SYTL3: variants seen among roughly 807,000 people sequenced by gnomAD.
SYTL3 encodes synaptotagmin like 3, also known as synaptotagmin-like protein 3.
A neutral mutation model predicts 82.1 loss-of-function variants in SYTL3; 88 were observed. The observed-to-expected ratio is 1.07, with a 90% CI of 0.90 to 1.28. SYTL3 has a LOEUF of 1.28. SYTL3 is among the 50% of genes most tolerant of loss of function. The probability of loss-of-function intolerance (pLI) is 0.00; values close to 1 mark genes in which losing one functional copy is unlikely to be tolerated. For synonymous variants in SYTL3, 311 were observed against 289.4 expected (o/e 1.07, Z -0.76); for missense variants, 831 against 757.6 (o/e 1.10, Z -1.14).
chr6:158,670,099 T>C (rs1027741892), intron 5 of SYTL3, among the ~76,000 whole-genome samples: 1 of 152,272 alleles, frequency 6.6e-6, no homozygotes, highest in Admixed American at 6.5e-5. Context: ...AAGGAAGTTC[T>C]ATTCTAATTA....
intron 6 of SYTL3, among the ~76,000 whole-genome samples, chr6:158,702,969 A>G (rs1366535246): frequency 1.3e-5 from 2 of 151,918 alleles, no homozygotes; most frequent in Non-Finnish European, 2.9e-5. Context: ...CCTGGCTAAT[A>G]CGGTGAAACC....
In SYTL3 at chr6:158,732,718, G is replaced by A. The variant is rs116274506; in HGVS notation, c.855+7081G>A. On this transcript the variant is annotated intron_variant, in intron 11 of 17. Coordinates refer to ENST00000611299, the MANE Select transcript of SYTL3 (RefSeq NM_001242394.2). ...TAAAGACTTAATAGGATGCAGTAACGTCAGGCACTTCCAAGAGCTAACCCA... is the reference window on the plus strand; with the variant it reads ...TAAAGACTTAATAGGATGCAGTAACATCAGGCACTTCCAAGAGCTAACCCA... Among the ~76,000 whole-genome samples, 185 of 152,276 alleles carry A rather than the reference G, an allele frequency of 1.2e-3. 1 individual carries two copies. The highest frequency in any genetic ancestry group is 4.0e-3 in the African/African-American group (168 of 41,562).
intron 5 of SYTL3, among the ~76,000 whole-genome samples, chr6:158,666,789 C>G (rs1790113165): frequency 6.6e-6 from 1 of 152,194 alleles, no homozygotes; most frequent in Non-Finnish European, 1.5e-5. Flanking sequence ...TGTCCTGTCC[C>G]TTTGCAAGGC....
rs757822377 is a variant in SYTL3, at chr6:158,763,460, C to T, written c.1674C>T (p.Ala558=). 2.5e-6 allele frequency: 4 copies of T among 1,614,018 alleles called. No individual in the cohort carries two copies. The African/African-American group carries it at 5.3e-5, about 22-fold the overall frequency. The change falls in exon 17 of 18, where the codon GCC becomes GCT. Residue 558 remains alanine, a synonymous_variant. Transcript: ENST00000611299. ...TGGAGTTAACTGTCTGGGATCAGGC[C>T]CTCTTTGGAATGAACGACCGCTTGC... The part of the protein sequence containing the change: ...SSLELTVWDQ[A]LFGMNDRLLG...
chr6:158,674,557 G>T (rs540803007), intron 5 of SYTL3, among the ~76,000 whole-genome samples: 7 of 152,356 alleles, frequency 4.6e-5, no homozygotes, highest in African/African-American at 1.7e-4. Context: ...CCCACAGAGA[G>T]CGTGTGCTCC....
chr6:158,663,293 G>A lies in SYTL3; in HGVS notation c.25G>A (p.Ala9Thr). Residue 9 changes from alanine to threonine, a missense_variant, in exon 4 of 18, where the codon GCT becomes ACT. Physicochemically the swap from Ala to Thr is moderately conservative, Grantham distance 58. Transcript: ENST00000611299. Reference protein sequence around the residue: MAQEIDLSALKELEREAIL... With the variant: MAQEIDLSTLKELEREAIL... ...AATGGCCCAAGAAATAGATCTGAGT[G>A]CTCTCAAGGAGTTAGAACGCGAGGC... The A allele has an allele frequency of 6.2e-7, 1 of 1,614,152 alleles. No individual in the cohort carries two copies. The highest frequency in any genetic ancestry group is 8.5e-7 in the Non-Finnish European group (1 of 1,180,024).
chr6:158,658,248 TA>T (rs1409598597), intron 2 of SYTL3, among the ~76,000 whole-genome samples: 2 of 152,264 alleles, frequency 1.3e-5, no homozygotes, highest in Non-Finnish European at 2.9e-5. Context: ...AATATACTTT[TA>T]AATATGAGTT....
At chr6:158,708,475 CG>C in intron 8 of SYTL3, 84 bp downstream of exon 8, 1 of 1,353,900 alleles carries the variant, frequency 7.4e-7, no homozygotes. Context: ...AGGCTGAGGC[CG>C]GGCACGGAAC....
chr6:158,745,043 A>G (rs1300676212), intron 11 of SYTL3, among the ~76,000 whole-genome samples: 2 of 152,112 alleles, frequency 1.3e-5, no homozygotes, highest in Non-Finnish European at 2.9e-5. Context: ...ACAGCTAATG[A>G]GTGGCAGCAC....
chr6:158,749,505 CTCT>C (rs1214972102), intron 12 of SYTL3, among the ~76,000 whole-genome samples: 3 of 94,336 alleles, frequency 3.2e-5, no homozygotes, highest in Non-Finnish European at 6.7e-5. Context: ...TTTTCTTTCT[CTCT>C]TTTTTTTTTT....
intron 6 of SYTL3, among the ~76,000 whole-genome samples, chr6:158,696,126 C>T (rs1280383271): frequency 6.6e-6 from 1 of 152,152 alleles, no homozygotes; most frequent in Non-Finnish European, 1.5e-5. Flanking sequence ...CATCTGCTGC[C>T]CTATTTTATT....
chr6:158,658,284 T>A (rs372098446), intron 2 of SYTL3, among the ~76,000 whole-genome samples: 1 of 152,252 alleles, frequency 6.6e-6, no homozygotes, highest in Non-Finnish European at 1.5e-5. Flanking sequence ...ATTAAAATTT[T>A]TTTTTGCCTA....
chr6:158,669,174 A>G (rs1777083187), intron 5 of SYTL3, among the ~76,000 whole-genome samples: 1 of 152,354 alleles, frequency 6.6e-6, no homozygotes, highest in Admixed American at 6.5e-5. Context: ...TTTTAGCTTC[A>G]TCAAAAAAAT....
chr6:158,683,600 A>C (rs1175503026), intron 6 of SYTL3, among the ~76,000 whole-genome samples: 1 of 152,186 alleles, frequency 6.6e-6, no homozygotes, highest in Non-Finnish European at 1.5e-5. Context: ...CCCTCCTCTG[A>C]AACACCATCA....
intron 6 of SYTL3, among the ~76,000 whole-genome samples, chr6:158,693,030 G>A (rs548684754): frequency 1.1e-4 from 16 of 151,964 alleles, no homozygotes; most frequent in South Asian, 2.1e-4. Context: ...TCTCCTCTCC[G>A]TTGGTTTGCT....
chr6:158,725,605 C>T lies in SYTL3; in HGVS notation c.823C>T (p.Pro275Ser). 1 of 1,614,230 alleles carries T rather than the reference C, an allele frequency of 6.2e-7. No homozygotes were observed. The highest frequency in any genetic ancestry group is 8.5e-7 in the Non-Finnish European group (1 of 1,180,044). ...KQQNLPSSPA[P>S]STIFSGGFRH... Reference sequence around the variant, plus strand: ...ACAGAATCTCCCATCCAGTCCGGCACCCAGTACCATATTCTCTGGAGGTTT... The same window carrying T: ...ACAGAATCTCCCATCCAGTCCGGCATCCAGTACCATATTCTCTGGAGGTTT... The change falls in exon 11 of 18, where the codon CCC becomes TCC. Residue 275 changes from proline (P) to serine (S), a missense_variant. Coordinates refer to ENST00000611299, the MANE Select transcript of SYTL3 (RefSeq NM_001242394.2).
At chr6:158,719,033 C>A (rs772444423) in intron 10 of SYTL3, among the ~76,000 whole-genome samples, 1 of 152,004 alleles carries the variant, frequency 6.6e-6, no homozygotes, top group Non-Finnish European at 1.5e-5. Context: ...TCCTGCCTCC[C>A]GCTCCAGCCC....
At chr6:158,729,084 T>G (rs1785083509) in intron 11 of SYTL3, among the ~76,000 whole-genome samples, 1 of 152,116 alleles carries the variant, frequency 6.6e-6, no homozygotes, top group Non-Finnish European at 1.5e-5. Flanking sequence ...CATTGAGTGT[T>G]TACTTTTTTG....
intron 5 of SYTL3, among the ~76,000 whole-genome samples, chr6:158,672,556 CTTTT>C (rs549428783): frequency 2.4e-5 from 3 of 126,186 alleles, no homozygotes; most frequent in Admixed American, 7.6e-5. Flanking sequence ...TTTTTTGTTT[CTTTT>C]TTTTTTTTTT....
Sources: allele counts gnomAD v4.1 joint callset (sites outside exome capture counted in the v4.1 genomes callset), GRCh38; gene constraint gnomAD v4.1.1; transcripts MANE v1.5; gene names NCBI Gene and HGNC (gene_info 2026-07-23, HGNC 2026-07-21).